Variants in FBXL2 observed in about 807,000 individuals in gnomAD.
The protein encoded by FBXL2 is F-box and leucine rich repeat protein 2.
In FBXL2, 38 loss-of-function variants were observed where a neutral mutation model predicts 69.2. That is an observed-to-expected ratio of 0.55 (90% CI 0.42 to 0.72). The LOEUF (loss-of-function observed/expected upper bound fraction) is 0.72, where lower values mean the gene tolerates loss of function less well. Ranked by LOEUF, FBXL2 falls within the 30% of genes least tolerant of loss-of-function variation. FBXL2 has a pLI of 0.00. For missense variants in FBXL2, 354 were observed against 520.3 expected (o/e 0.68, Z 3.11); for synonymous variants, 192 against 201.3 (o/e 0.95, Z 0.39).
At chr3:33,309,459 G>A (rs2036997874) in intron 2 of FBXL2, among the ~76,000 whole-genome samples, 1 of 151,922 alleles carries the variant, frequency 6.6e-6, no homozygotes, top group East Asian at 1.9e-4. Flanking sequence ...CCATTTGCAT[G>A]GAGTATCTTT....
intron 2 of FBXL2, among the ~76,000 whole-genome samples, chr3:33,306,359 C>A (rs2036717589): frequency 6.6e-6 from 1 of 152,070 alleles, no homozygotes; most frequent in African/African-American, 2.4e-5. Context: ...ATAAACTTTG[C>A]CAGTCACCAA....
intron 1 of FBXL2, among the ~76,000 whole-genome samples, chr3:33,287,607 C>G (rs1044068883): frequency 1.3e-5 from 2 of 152,154 alleles, no homozygotes; most frequent in Non-Finnish European, 2.9e-5. Flanking sequence ...TCCCAAAGTG[C>G]TGGGATTACA....
rs77987013 is a variant in FBXL2, at chr3:33,368,294, A to G, written c.290+3575A>G. On this transcript the variant is annotated intron_variant, in intron 5 of 14. Coordinates refer to ENST00000484457, the MANE Select transcript of FBXL2 (RefSeq NM_012157.5). ...TAATTTATCAACTAATAAAAGGAGT[A>G]TTGAAATATCTGCCTATAATTTTGC... Among the ~76,000 whole-genome samples, 542 of 152,342 alleles carry G rather than the reference A, an allele frequency of 3.6e-3. 5 individuals are homozygous for G. The highest frequency in any genetic ancestry group is 0.031 in the Middle Eastern group (9 of 294).
intron 12 of FBXL2, chr3:33,397,035 A>G (rs371755426): frequency 1.3e-6 from 2 of 1,583,328 alleles, no homozygotes; most frequent in African/African-American, 1.4e-5. Context: ...AACAGTTCAC[A>G]GTATTTTACC....
intron 5 of FBXL2, among the ~76,000 whole-genome samples, chr3:33,368,599 T>C (rs1426377058): frequency 6.6e-6 from 1 of 152,198 alleles, no homozygotes; most frequent in Non-Finnish European, 1.5e-5. Context: ...GTGTTGCTTT[T>C]TTTTCCTTTT....
intron 12 of FBXL2, among the ~76,000 whole-genome samples, chr3:33,393,810 G>A (rs572990146): frequency 6.6e-6 from 1 of 152,278 alleles, no homozygotes; most frequent in South Asian, 2.1e-4. Flanking sequence ...AAATGGACAT[G>A]GGGGATCTTC....
the FBXL2 span, chr3:33,415,998 A>G: frequency 6.6e-6 from 1 of 152,120 alleles, no homozygotes; most frequent in Non-Finnish European, 1.5e-5. Flanking sequence ...TGCCCTTCCC[A>G]TGCTTACCCA....
chr3:33,320,339 A>G (rs2038083121), intron 2 of FBXL2, among the ~76,000 whole-genome samples: 1 of 152,196 alleles, frequency 6.6e-6, no homozygotes, highest in African/African-American at 2.4e-5. Context: ...ATAATTATTT[A>G]TATGGGGAAA....
chr3:33,420,512 C>T, the FBXL2 span, among the ~76,000 whole-genome samples: 1 of 120,574 alleles, frequency 8.3e-6, no homozygotes, highest in Admixed American at 1.0e-4. Context: ...TTTTTGGAGA[C>T]AGAGTCTCAC....
At chr3:33,370,953 GTC>G (rs2042260364) in intron 5 of FBXL2, among the ~76,000 whole-genome samples, 1 of 129,318 alleles carries the variant, frequency 7.7e-6, no homozygotes, top group Admixed American at 8.0e-5. Context: ...TTCTTCCTCT[GTC>G]TCTCTTATTT....
chr3:33,406,335 C>T (rs1447111342), downstream of FBXL2, among the ~76,000 whole-genome samples: 1 of 152,168 alleles, frequency 6.6e-6, no homozygotes, highest in East Asian at 1.9e-4. Flanking sequence ...TTTGATGAAC[C>T]CAAGACCCTG....
chr3:33,339,404 GC>G, intron 2 of FBXL2, among the ~76,000 whole-genome samples: 1 of 152,168 alleles, frequency 6.6e-6, no homozygotes, highest in Middle Eastern at 3.4e-3. Flanking sequence ...CTACCATTCA[GC>G]ATGGTTGCAG....
At chr3:33,333,696 T>C (rs1220760178) in intron 2 of FBXL2, among the ~76,000 whole-genome samples, 1 of 152,156 alleles carries the variant, frequency 6.6e-6, no homozygotes, top group African/African-American at 2.4e-5. Flanking sequence ...ACTTAGACAC[T>C]AAATCACCCA....
Position 33,387,061 on chromosome 3 carries a change from G to A in FBXL2, c.*1453G>A, listed in dbSNP as rs1339751435. On this transcript the variant is annotated 3_prime_UTR_variant, in exon 15 of 15. Coordinates refer to ENST00000484457, the MANE Select transcript of FBXL2 (RefSeq NM_012157.5). ...ATATATATATAATCTCCCCATAAAC[G>A]GACTTAGCACAATTATCATCAGAGT... The A allele has an allele frequency of 6.6e-6, 1 of 151,992 alleles. No homozygotes were observed. Among genetic ancestry groups the A allele is most frequent in the African/African-American group, 2.4e-5 (1 of 41,358 alleles). 9.4% of individuals were successfully genotyped at this position (151,992 alleles called of 1,614,324 possible). A position where few individuals can be genotyped will look rare whatever the true frequency, so the allele number is the denominator to read the frequency against.
the FBXL2 span, among the ~76,000 whole-genome samples, chr3:33,415,754 A>C: frequency 2.1e-5 from 3 of 145,932 alleles, no homozygotes; most frequent in African/African-American, 5.0e-5. Context: ...ATACATTAAC[A>C]AAAAAAAAAA....
chr3:33,369,215 A>G (rs2042140162), intron 5 of FBXL2, among the ~76,000 whole-genome samples: 1 of 151,202 alleles, frequency 6.6e-6, no homozygotes, highest in Non-Finnish European at 1.5e-5. Flanking sequence ...CCTTGCCTGG[A>G]TAAGTTGTAT....
intron 1 of FBXL2, among the ~76,000 whole-genome samples, chr3:33,280,886 CAT>C (rs2033922758): frequency 6.6e-6 from 1 of 151,846 alleles, no homozygotes; most frequent in Non-Finnish European, 1.5e-5. Context: ...AATATTTTAT[CAT>C]ATAATTTTCC....
chr3:33,317,911 A>G (rs1464378772), intron 2 of FBXL2, among the ~76,000 whole-genome samples: 1 of 152,150 alleles, frequency 6.6e-6, no homozygotes, highest in African/African-American at 2.4e-5. Flanking sequence ...AGATTTTTGG[A>G]TTAGGGATAC....
intron 1 of FBXL2, among the ~76,000 whole-genome samples, chr3:33,296,256 G>T (rs2035741301): frequency 6.6e-6 from 1 of 152,094 alleles, no homozygotes; most frequent in Non-Finnish European, 1.5e-5. Context: ...AGTAGAGATG[G>T]GGTTTCACCA....
Sources: allele counts gnomAD v4.1 joint callset (sites outside exome capture counted in the v4.1 genomes callset), GRCh38; gene constraint gnomAD v4.1.1; transcripts MANE v1.5; gene names NCBI Gene and HGNC (gene_info 2026-07-23, HGNC 2026-07-21).